The following SIDT1 variants were observed in gnomAD, a reference collection of about 807,000 sequenced individuals.
The protein encoded by SIDT1 is SID1 transmembrane family member 1, also known as SID1 transmembrane family, member 1.
SIDT1 carries 101 observed loss-of-function variants against 107.5 expected under a neutral mutation model. The observed-to-expected ratio is 0.94, with a 90% CI of 0.80 to 1.11. The LOEUF is 1.11. Ranked by LOEUF, SIDT1 falls within the 50% of genes least tolerant of loss-of-function variation. The probability of loss-of-function intolerance (pLI) is 0.00; values close to 1 mark genes in which losing one functional copy is unlikely to be tolerated. For missense variants in SIDT1, 1,076 were observed against 1,058.2 expected (o/e 1.02, Z -0.23); for synonymous variants, 395 against 398.2 (o/e 0.99, Z 0.10).
At chr3:113,587,739 T>C (rs1425742896) in intron 9 of SIDT1, among the ~76,000 whole-genome samples, 2 of 152,270 alleles carry the variant, frequency 1.3e-5, no homozygotes, top group Admixed American at 6.5e-5. Flanking sequence ...GATTAAGCAA[T>C]TTTACGAAGA....
At chr3:113,598,280 T>C (rs1446551967) in intron 10 of SIDT1, among the ~76,000 whole-genome samples, 1 of 152,254 alleles carries the variant, frequency 6.6e-6, no homozygotes, top group Non-Finnish European at 1.5e-5. Flanking sequence ...GCTTTGTCTT[T>C]TTAGTGAAGT....
chr3:113,570,687 T>C (rs1052064960), intron 3 of SIDT1, among the ~76,000 whole-genome samples: 3 of 152,172 alleles, frequency 2.0e-5, no homozygotes, highest in African/African-American at 7.2e-5. Context: ...CAGAGGATGA[T>C]GGTAATGAGG....
At position 113,533,127 on chromosome 3, in the gene SIDT1, C is replaced by T; in HGVS notation, c.106C>T (p.Arg36Cys). The T allele has an allele frequency of 6.4e-7, 1 of 1,562,924 alleles. No homozygotes were observed. Among genetic ancestry groups the T allele is most frequent in the Admixed American group, 1.9e-5 (1 of 53,150 alleles). Reference sequence around the variant, plus strand: ...ATCCCCCAGGCAGCCCCCGGCACCGCGCCGCGACCCCTTCGACGCTGCCAG... The same window carrying T: ...ATCCCCCAGGCAGCCCCCGGCACCGTGCCGCGACCCCTTCGACGCTGCCAG... ...AKSPRQPPAPRRDPFDAARGA... is the reference protein window; with the variant it reads ...AKSPRQPPAPCRDPFDAARGA... Residue 36 changes from arginine (R) to cysteine (C), a missense_variant, in exon 1 of 25, where the codon CGC becomes TGC. Physicochemically the swap from Arg to Cys is radical, Grantham distance 180. Coordinates refer to ENST00000264852, the MANE Select transcript of SIDT1 (RefSeq NM_017699.3).
At chr3:113,585,624 T>G (rs1943689585) in intron 9 of SIDT1, among the ~76,000 whole-genome samples, 1 of 152,196 alleles carries the variant, frequency 6.6e-6, no homozygotes, top group Non-Finnish European at 1.5e-5. Flanking sequence ...GATGGTCAGT[T>G]TATCCTAACA....
intron 1 of SIDT1, among the ~76,000 whole-genome samples, chr3:113,534,804 T>C (rs537238442): frequency 1.3e-5 from 2 of 152,372 alleles, no homozygotes; most frequent in South Asian, 2.1e-4. Flanking sequence ...CAGTTCTGCA[T>C]AGAGATAGAG....
chr3:113,627,674 A>C lies in SIDT1; in HGVS notation c.2450A>C (p.Asp817Ala). The C allele has an allele frequency of 6.2e-7, 1 of 1,613,932 alleles. No individual in the cohort carries two copies. Among genetic ancestry groups the C allele is most frequent in the Non-Finnish European group, 8.5e-7 (1 of 1,180,040 alleles). The change falls in exon 25 of 25, where the codon GAT (aspartate) becomes GCT (alanine). Residue 817 changes from aspartate to alanine, a missense_variant. Physicochemically the swap from Asp to Ala is moderately radical, Grantham distance 126. Coordinates refer to ENST00000264852, the MANE Select transcript of SIDT1 (RefSeq NM_017699.3). ...TTGTTAACTTTGGATGATGACCTTG[A>C]TGTGGTTCGGAGAGACCAGATCCCT... The part of the protein sequence containing the change: ...LVLLTLDDDL[D>A]VVRRDQIPVF
At chr3:113,541,464 C>T (rs111343043) in intron 1 of SIDT1, among the ~76,000 whole-genome samples, 4,802 of 152,264 alleles carry the variant, frequency 0.032, 257 homozygotes, top group African/African-American at 0.11. Context: ...GCCTCCGGGC[C>T]CGGCCAGTAC....
rs559880485 is a variant in SIDT1 at position 113,559,442 on chromosome 3, T to A, written c.223-6978T>A. ...TGGTCATTCTTTTTATTTATTTTTT[T>A]TTTTTTTTATTTTTTGAGACAGGGT... On this transcript the variant is annotated intron_variant, in intron 1 of 24. Transcript: ENST00000264852. Among the ~76,000 whole-genome samples, 1,279 of 151,752 alleles carry A rather than the reference T, an allele frequency of 8.4e-3. 21 individuals carry two copies. The highest frequency in any genetic ancestry group is 0.029 in the African/African-American group (1,202 of 41,464).
At position 113,625,887 on chromosome 3, in the gene SIDT1, C is replaced by T. The variant is rs992785350; in HGVS notation, c.2308-215C>T. On this transcript the variant is annotated intron_variant, in intron 23 of 24. Coordinates refer to ENST00000264852, the MANE Select transcript of SIDT1 (RefSeq NM_017699.3). ...CATTTCCTTTGCTGTGCAGAAGCTTCGTAGCTTGATGTAATCTCGCTTCTC... is the reference window on the plus strand; with the variant it reads ...CATTTCCTTTGCTGTGCAGAAGCTTTGTAGCTTGATGTAATCTCGCTTCTC... The T allele has an allele frequency of 3.3e-4, 172 of 524,672 alleles. 1 individual carries two copies. Among genetic ancestry groups the T allele is most frequent in the Admixed American group, 8.0e-4 (22 of 27,362 alleles). 32.5% of individuals were successfully genotyped at this position (524,672 alleles called of 1,614,324 possible).
intron 21 of SIDT1, among the ~76,000 whole-genome samples, chr3:113,622,001 A>G (rs1946490510): frequency 6.6e-6 from 1 of 152,216 alleles, no homozygotes; most frequent in Admixed American, 6.5e-5. Context: ...AGTGCAGGCT[A>G]GCCTAATCAG....
chr3:113,571,276 G>A (rs1335594354), intron 3 of SIDT1, among the ~76,000 whole-genome samples: 1 of 152,018 alleles, frequency 6.6e-6, no homozygotes, highest in East Asian at 1.9e-4. Flanking sequence ...AAATTAGCCA[G>A]ACATGATGGT....
At chr3:113,544,171 TTTTGTTTG>T (rs139256393) in intron 1 of SIDT1, among the ~76,000 whole-genome samples, 2,347 of 131,798 alleles carry the variant, frequency 0.018, 24 homozygotes, top group Middle Eastern at 0.064. Context: ...TCATGAGTCT[TTTTGTTTG>T]TTTGTTTGTT....
At chr3:113,553,158 A>G (rs1269259968) in intron 1 of SIDT1, among the ~76,000 whole-genome samples, 1 of 152,162 alleles carries the variant, frequency 6.6e-6, no homozygotes, top group African/African-American at 2.4e-5. Context: ...TTCCACAATT[A>G]AAAATGGTTT....
intron 1 of SIDT1, among the ~76,000 whole-genome samples, chr3:113,536,488 C>G (rs1434925162): frequency 6.6e-6 from 1 of 152,214 alleles, no homozygotes; most frequent in Non-Finnish European, 1.5e-5. Flanking sequence ...TTTCCTCTTT[C>G]TTCAAGCCAT....
chr3:113,534,274 C>T (rs889748894), intron 1 of SIDT1, among the ~76,000 whole-genome samples: 1 of 152,190 alleles, frequency 6.6e-6, no homozygotes, highest in Non-Finnish European at 1.5e-5. Flanking sequence ...CAGATCGGAA[C>T]TAGAAAACCT....
chr3:113,567,900 C>T (rs1001510327), intron 3 of SIDT1, 190 bp downstream of exon 3: 2 of 554,566 alleles, frequency 3.6e-6, no homozygotes, highest in Non-Finnish European at 6.2e-6. Flanking sequence ...AGTGGGAGTG[C>T]AGAAGGTAAG....
Position 113,629,271 on chromosome 3 carries a change from C to T in SIDT1, c.*1563C>T, listed in dbSNP as rs1947040187. ...AATATTTTGTGATTTTTTTAAAGTC[C>T]CCAAATGTGTACTTAGCCTTCTGTT... On this transcript the variant is annotated 3_prime_UTR_variant, in exon 25 of 25. Transcript: ENST00000264852. The T allele has an allele frequency of 6.6e-6, 1 of 151,800 alleles. No homozygotes were observed. 9.4% of individuals were successfully genotyped at this position (151,800 alleles called of 1,614,324 possible).
At chr3:113,535,499 A>T (rs942871768) in intron 1 of SIDT1, among the ~76,000 whole-genome samples, 4 of 152,232 alleles carry the variant, frequency 2.6e-5, no homozygotes, top group Admixed American at 1.3e-4. Flanking sequence ...AACACATTTT[A>T]AAAATTGTTC....
At chr3:113,551,260 A>G (rs961981099) in intron 1 of SIDT1, among the ~76,000 whole-genome samples, 1 of 152,182 alleles carries the variant, frequency 6.6e-6, no homozygotes, top group South Asian at 2.1e-4. Context: ...AATGATTTAC[A>G]TTCCTTTGGG....
Sources: gnomAD v4.1 joint callset for allele counts (sites outside exome capture counted in the v4.1 genomes callset) on GRCh38, gnomAD v4.1.1 for gene constraint, MANE v1.5 for transcripts, NCBI Gene and HGNC (gene_info 2026-07-23, HGNC 2026-07-21) for gene names.